Variants in SPCS2 observed in about 807,000 individuals in gnomAD.
SPCS2 encodes the protein signal peptidase complex subunit 2, also known as SPase 25 kDa subunit.
In SPCS2, 3 loss-of-function variants were observed where a neutral mutation model predicts 22.3. That is an observed-to-expected ratio of 0.13 (90% CI 0.06 to 0.35). The LOEUF (loss-of-function observed/expected upper bound fraction) is 0.35. Among genes scored for constraint, SPCS2 ranks in the 10% least tolerant of loss-of-function variants. The pLI is 1.00. For synonymous variants in SPCS2, 67 were observed against 97.2 expected, an observed-to-expected ratio of 0.69 and a Z score of 1.83; for missense variants, 169 against 280.9, an observed-to-expected ratio of 0.60 and a Z score of 2.85.
Position 74,978,463 on chromosome 11 carries a change from T to A in SPCS2, c.*1420T>A, listed in dbSNP as rs544552991. ...TTTTGAAAGCATGTAACCGGATAAGTGTATTTTTACAATGGAGGAGTTACA... is the reference window on the plus strand; with the variant it reads ...TTTTGAAAGCATGTAACCGGATAAGAGTATTTTTACAATGGAGGAGTTACA... On this transcript the variant is annotated 3_prime_UTR_variant, in exon 5 of 5. Coordinates refer to ENST00000263672, the MANE Select transcript of SPCS2 (RefSeq NM_014752.3). The A allele has an allele frequency of 6.6e-6, 1 of 152,300 alleles. No homozygotes were observed. The highest frequency in any genetic ancestry group is 1.5e-5 in the Non-Finnish European group (1 of 68,032). 9.4% of individuals were successfully genotyped at this position (152,300 alleles called of 1,614,324 possible).
chr11:74,965,962 A>T, intron 3 of SPCS2, 39 bp downstream of exon 3: 1 of 1,551,996 alleles, frequency 6.4e-7, no homozygotes, highest in Non-Finnish European at 8.7e-7. Flanking sequence ...TCTAGTGACT[A>T]TTTTTTTAAA....
intron 4 of SPCS2, among the ~76,000 whole-genome samples, chr11:74,975,774 A>G (rs932514407): frequency 6.6e-6 from 1 of 152,232 alleles, no homozygotes; most frequent in Non-Finnish European, 1.5e-5. Flanking sequence ...TGTTTTAGTC[A>G]TGACAGTAAT....
chr11:74,951,356 T>C (rs1294478716), intron 1 of SPCS2, among the ~76,000 whole-genome samples: 2 of 152,018 alleles, frequency 1.3e-5, no homozygotes, highest in East Asian at 3.9e-4. Context: ...GAGGAGTAAA[T>C]CAAGAATCCT....
intron 4 of SPCS2, 65 bp from the exon 5 acceptor site, chr11:74,976,792 C>A: frequency 3.1e-6 from 5 of 1,594,602 alleles, no homozygotes; most frequent in Non-Finnish European, 4.3e-6. Context: ...CACTTGGTGC[C>A]GTATTGTTAC....
chr11:74,955,738 C>T (rs1948473874), intron 1 of SPCS2, among the ~76,000 whole-genome samples: 1 of 150,420 alleles, frequency 6.6e-6, no homozygotes, highest in Non-Finnish European at 1.5e-5. Flanking sequence ...TTTGTCTTTC[C>T]TGGAGTAACC....
intron 4 of SPCS2, among the ~76,000 whole-genome samples, chr11:74,973,627 A>C (rs775388573): frequency 6.6e-6 from 1 of 152,004 alleles, no homozygotes; most frequent in Non-Finnish European, 1.5e-5. Context: ...TCTGTAACCC[A>C]CTTCACTTCC....
chr11:74,973,556 G>A (rs1273953847), intron 4 of SPCS2, among the ~76,000 whole-genome samples: 1 of 152,054 alleles, frequency 6.6e-6, no homozygotes, highest in Non-Finnish European at 1.5e-5. Flanking sequence ...ATTGCTTCCT[G>A]TTACTCTCAT....
At chr11:74,958,450 G>A (rs994870293) in intron 1 of SPCS2, among the ~76,000 whole-genome samples, 1 of 152,144 alleles carries the variant, frequency 6.6e-6, no homozygotes, top group Non-Finnish European at 1.5e-5. Context: ...ACATTCTTAA[G>A]ATAGACATCA....
At chr11:74,965,358 A>G (rs981120399) in intron 2 of SPCS2, among the ~76,000 whole-genome samples, 5 of 152,184 alleles carry the variant, frequency 3.3e-5, no homozygotes, top group African/African-American at 1.2e-4. Flanking sequence ...CCTAAAACTT[A>G]AAGTATAATA....
At chr11:74,956,587 A>G (rs988945714) in intron 1 of SPCS2, among the ~76,000 whole-genome samples, 1 of 152,222 alleles carries the variant, frequency 6.6e-6, no homozygotes, top group Non-Finnish European at 1.5e-5. Context: ...AGAGAGCTGT[A>G]GTAGCCCTTT....
intron 1 of SPCS2, among the ~76,000 whole-genome samples, chr11:74,964,793 TAG>T (rs1420756211): frequency 1.3e-5 from 2 of 152,242 alleles, no homozygotes; most frequent in Non-Finnish European, 2.9e-5. Context: ...TCTAGTGACC[TAG>T]TCTCTTTCAA....
At position 74,969,672 on chromosome 11, in the gene SPCS2, T is replaced by C; in HGVS notation, c.467T>C (p.Ile156Thr). 6.2e-7 allele frequency: 1 copy of C among 1,613,762 alleles called. No individual in the cohort carries two copies. The highest frequency in any genetic ancestry group is 8.5e-7 in the Non-Finnish European group (1 of 1,179,696). Residue 156 changes from isoleucine (I) to threonine (T), a missense_variant, in exon 4 of 5, where the codon ATT becomes ACT. Ile to Thr is a moderately conservative substitution (Grantham distance 89). Transcript: ENST00000263672. ...CCTACAGGAATGGATCCTGATGATA[T>C]TTGGCAGCTGTCCTCCAGTCTTAAA... ...KDPTGMDPDD[I>T]WQLSSSLKRF...
chr11:74,965,986 C>A (rs1049084827), intron 3 of SPCS2, 63 bp downstream of exon 3: 1 of 1,489,484 alleles, frequency 6.7e-7, no homozygotes, highest in Non-Finnish European at 9.0e-7. Flanking sequence ...GCTGATATTT[C>A]TCCCTACAAA....
chr11:74,957,698 T>C, intron 1 of SPCS2, among the ~76,000 whole-genome samples: 1 of 152,270 alleles, frequency 6.6e-6, no homozygotes, highest in East Asian at 1.9e-4. Flanking sequence ...CTATGTCTAC[T>C]TCTTACCATT....
In SPCS2 at chr11:74,965,092, AC is replaced by A; in HGVS notation, c.174del (p.Ser59LeufsTer22). 1 of 1,549,456 alleles carries A rather than the reference AC, an allele frequency of 6.5e-7. No individual in the cohort carries two copies. On this transcript the variant is annotated frameshift_variant, in exon 2 of 5. Transcript: ENST00000263672. LOFTEE classifies it high-confidence loss of function. ...AAGTGGGATGGATCAGCTGTGAAAAACTCTTTGGATGATTCTGCCAAAAAGG... is the reference window on the plus strand; with the variant it reads ...AAGTGGGATGGATCAGCTGTGAAAAATCTTTGGATGATTCTGCCAAAAAGG... ...IDKWDGSAVKNSLDDSAKKVL... is the reference protein window; with the variant it reads ...IDKWDGSAVKXSLDDSAKKVL...
At chr11:74,953,270 G>A (rs1299712749) in intron 1 of SPCS2, among the ~76,000 whole-genome samples, 1 of 148,658 alleles carries the variant, frequency 6.7e-6, no homozygotes, top group Non-Finnish European at 1.5e-5. Context: ...TCCACTCACT[G>A]CAACCCCCGC....
At chr11:74,960,815 GTA>G (rs1948509501) in intron 1 of SPCS2, among the ~76,000 whole-genome samples, 1 of 152,066 alleles carries the variant, frequency 6.6e-6, no homozygotes, top group Non-Finnish European at 1.5e-5. Flanking sequence ...GTGAGATAGT[GTA>G]TATAAAATAC....
intron 1 of SPCS2, among the ~76,000 whole-genome samples, chr11:74,962,297 A>G (rs1331489937): frequency 6.6e-6 from 1 of 152,202 alleles, no homozygotes; most frequent in Admixed American, 6.5e-5. Context: ...CACTGAGGGA[A>G]TGTATTTATA....
At chr11:74,957,966 G>C (rs944477266) in intron 1 of SPCS2, among the ~76,000 whole-genome samples, 55 of 152,312 alleles carry the variant, frequency 3.6e-4, no homozygotes, top group African/African-American at 1.3e-3. Flanking sequence ...TTAATATGCT[G>C]AATCAAGTTG....
Sources: allele counts gnomAD v4.1 joint callset (sites outside exome capture counted in the v4.1 genomes callset), GRCh38; gene constraint gnomAD v4.1.1; transcripts MANE v1.5; gene names NCBI Gene and HGNC (gene_info 2026-07-23, HGNC 2026-07-21).